The following SHPRH variants were observed in gnomAD, a reference collection of about 807,000 sequenced individuals.
The protein encoded by SHPRH is SNF2 histone linker PHD RING helicase, also known as E3 ubiquitin-protein ligase SHPRH.
In SHPRH, 106 loss-of-function variants were observed where a neutral mutation model predicts 202.5. The observed-to-expected ratio is 0.52, with a 90% confidence interval of 0.45 to 0.62. The LOEUF (loss-of-function observed/expected upper bound fraction) is 0.62, where lower values mean the gene tolerates loss of function less well. Ranked by LOEUF, SHPRH falls within the 20% of genes least tolerant of loss-of-function variation. The pLI, the probability that SHPRH is intolerant of heterozygous loss-of-function variation, is 0.00. For synonymous variants in SHPRH, 729 were observed against 686.0 expected, an observed-to-expected ratio of 1.06 and a Z score of -0.98; for missense variants, 1,710 against 2,020.0, an observed-to-expected ratio of 0.85 and a Z score of 2.94.
chr6:145,860,595 T>C (rs562586946), downstream of SHPRH, among the ~76,000 whole-genome samples: 8 of 152,156 alleles, frequency 5.3e-5, no homozygotes, highest in East Asian at 1.4e-3. Context: ...ACAGATTCAA[T>C]GCAATCTTTA....
intron 3 of SHPRH, 80 bp downstream of exon 3, chr6:145,952,269 G>A: frequency 7.9e-7 from 1 of 1,262,660 alleles, no homozygotes; most frequent in East Asian, 2.5e-5. Flanking sequence ...CTGTTTTTCT[G>A]ATTGTTATGT....
chr6:145,910,347 A>T, intron 25 of SHPRH, 101 bp downstream of exon 25: 1 of 1,335,354 alleles, frequency 7.5e-7, no homozygotes, highest in Non-Finnish European at 1.0e-6. Context: ...CTACCTATTC[A>T]CTGTCAAGCT....
intron 1 of SHPRH, among the ~76,000 whole-genome samples, chr6:145,962,310 G>A (rs1789170227): frequency 6.6e-6 from 1 of 152,164 alleles, no homozygotes; most frequent in Non-Finnish European, 1.5e-5. Flanking sequence ...GTCAGTGCTA[G>A]GAAGTAAAGA....
chr6:145,926,957 T>C (rs1473065272), intron 15 of SHPRH, among the ~76,000 whole-genome samples: 2 of 151,988 alleles, frequency 1.3e-5, no homozygotes, highest in Non-Finnish European at 2.9e-5. Context: ...GTAGCTTATA[T>C]AGACTTACCT....
chr6:145,862,225 G>A (rs527564098), downstream of SHPRH, among the ~76,000 whole-genome samples: 2 of 152,166 alleles, frequency 1.3e-5, no homozygotes, highest in South Asian at 4.2e-4. Context: ...ACTTTGGGAG[G>A]CCGAGGCAGG....
chr6:145,889,550 C>T (rs2128711234), intron 28 of SHPRH, among the ~76,000 whole-genome samples: 1 of 152,180 alleles, frequency 6.6e-6, no homozygotes, highest in Admixed American at 6.5e-5. Context: ...AGTCAAAACA[C>T]ATTAAAAACG....
chr6:145,913,526 A>G lies in SHPRH; in HGVS notation c.4278T>C (p.Gly1426=). 4 of 1,609,028 alleles carry G rather than the reference A, an allele frequency of 2.5e-6. No individual in the cohort carries two copies. Among genetic ancestry groups the G allele is most frequent in the Non-Finnish European group, 3.4e-6 (4 of 1,177,908 alleles). Residue 1426 remains glycine, a synonymous_variant, in exon 24 of 30, where the codon GGT becomes GGC. Coordinates refer to ENST00000275233, the MANE Select transcript of SHPRH (RefSeq NM_001042683.3). ...LEKSQDKTSG[G]VNPEPCPICA... is the part of the protein sequence containing the mutation. ...AGATTGGGCAAGGTTCTGGATTAAC[A>G]CCTCCCGATGTTTTATCTTGAGACT...
At position 145,888,025 on chromosome 6, in the gene SHPRH, C is replaced by T; in HGVS notation, c.4950G>A (p.Glu1650=). 6.2e-7 allele frequency: 1 copy of T among 1,611,142 alleles called. No homozygotes were observed. Among genetic ancestry groups the T allele is most frequent in the Non-Finnish European group, 8.5e-7 (1 of 1,177,590 alleles). The part of the protein sequence containing the change: ...ERMQAMLKTA[E]RSHTNSSAKH... The stretch of plus-strand genomic sequence containing the variant: ...TGTGGTAAATTATTACCTACCTTCT[C>T]TCAGCAGTTTTCAGCATTGCCTGCA... The change falls in exon 29 of 30, where the codon GAG becomes GAA. Residue 1650 remains glutamate, a synonymous_variant. Transcript: ENST00000275233.
intron 11 of SHPRH, among the ~76,000 whole-genome samples, chr6:145,936,655 G>C (rs558447413): frequency 6.6e-6 from 1 of 152,032 alleles, no homozygotes; most frequent in South Asian, 2.1e-4. Context: ...TTTATGTACA[G>C]TTCAAATTTT....
chr6:145,946,333 C>T lies in SHPRH; in HGVS notation c.1221G>A (p.Val407=). Residue 407 remains valine, a synonymous_variant, in exon 7 of 30, where the codon GTG becomes GTA. Transcript: ENST00000275233. ...QDALTLPEGK[V]VNYFIPSHYF... is the part of the protein sequence containing the mutation. ...AATGTGACGGAATAAAATAATTCAC[C>T]ACTTTTCCCTGATACAAACAACAGT... is the stretch of plus-strand genomic sequence containing the variant. The T allele has an allele frequency of 6.2e-7, 1 of 1,602,744 alleles. No individual in the cohort carries two copies. The highest frequency in any genetic ancestry group is 8.5e-7 in the Non-Finnish European group (1 of 1,174,092).
chr6:145,878,103 T>C (rs1288494938), intron 2 of SHPRH: 1 of 152,216 alleles, frequency 6.6e-6, no homozygotes, highest in African/African-American at 2.4e-5. Flanking sequence ...TCTTTTCATC[T>C]ACAAGTCATG....
rs372546901 is a variant in SHPRH at position 145,933,341 on chromosome 6, A to T, written c.2991-163T>A. ...AATTTTTACCATTATTTTTTCCCAC[A>T]TAAGTACCTTTATTTGATCACATCC... is the stretch of plus-strand genomic sequence containing the variant. On this transcript the variant is annotated intron_variant, in intron 13 of 29. Coordinates refer to ENST00000275233, the MANE Select transcript of SHPRH (RefSeq NM_001042683.3). 20 of 967,768 alleles carry T rather than the reference A, an allele frequency of 2.1e-5. No individual in the cohort carries two copies. In the Admixed American group the frequency reaches 5.3e-4, roughly 25 times the overall value. 59.9% of individuals were successfully genotyped at this position (967,768 alleles called of 1,614,324 possible).
rs1248346109 is a variant in SHPRH, at chr6:145,894,077, A to C, written c.4695+73T>G. On this transcript the variant is annotated intron_variant, in intron 27 of 29. Coordinates refer to ENST00000275233, the MANE Select transcript of SHPRH (RefSeq NM_001042683.3). ...TATATGGCATGAGACAATAAATGTA[A>C]GTAAGCTAGTTAACAGCAGTTTAAA... 3 of 1,066,470 alleles carry C rather than the reference A, an allele frequency of 2.8e-6. No individual in the cohort carries two copies. In the African/African-American group the frequency reaches 4.9e-5, roughly 17 times the overall value. 66.1% of individuals were successfully genotyped at this position (1,066,470 alleles called of 1,614,324 possible). A position where few individuals can be genotyped will look rare whatever the true frequency, so the allele number is the denominator to read the frequency against.
At chr6:145,870,220 T>C (rs1779993914) in intron 2 of SHPRH, among the ~76,000 whole-genome samples, 1 of 151,842 alleles carries the variant, frequency 6.6e-6, no homozygotes, top group Non-Finnish European at 1.5e-5. Context: ...CTATAATCTC[T>C]TATTAGTTCC....
intron 29 of SHPRH, 60 bp from the exon 30 acceptor site, chr6:145,886,847 T>C: frequency 6.4e-7 from 1 of 1,561,098 alleles, no homozygotes; most frequent in Non-Finnish European, 8.7e-7. Context: ...AGCGATTATA[T>C]TTGTAGTAAT....
chr6:145,952,163 CAG>C (rs1296490003), intron 3 of SHPRH, among the ~76,000 whole-genome samples, 184 bp downstream of exon 3: 1 of 152,034 alleles, frequency 6.6e-6, no homozygotes, highest in East Asian at 1.9e-4. Context: ...AAGGTAAGCA[CAG>C]AGTTAACCAA....
chr6:145,875,725 T>A (rs540059667), intron 2 of SHPRH, among the ~76,000 whole-genome samples: 101 of 152,312 alleles, frequency 6.6e-4, no homozygotes, highest in Admixed American at 1.4e-3. Flanking sequence ...TTAACAACTT[T>A]ATGCATTGGC....
intron 1 of SHPRH, among the ~76,000 whole-genome samples, chr6:145,958,228 A>G (rs759846590): frequency 3.9e-5 from 6 of 152,230 alleles, no homozygotes; most frequent in Non-Finnish European, 5.9e-5. Context: ...TGTTCAACAC[A>G]TGATTGCAGA....
Position 145,943,135 on chromosome 6 carries a change from G to T in SHPRH, c.2238+8C>A, listed in dbSNP as rs1166140639. 1 of 1,566,450 alleles carries T rather than the reference G, an allele frequency of 6.4e-7. No homozygotes were observed. On this transcript the variant is annotated splice_region_variant and intron_variant, in intron 9 of 29. Transcript: ENST00000275233. ...TTTCCTCTCCCTCTTTAGTCCAAGTGGCCTTACCAAGACTCGAAGAGATGA... is the reference window on the plus strand; with the variant it reads ...TTTCCTCTCCCTCTTTAGTCCAAGTTGCCTTACCAAGACTCGAAGAGATGA...
Sources: allele counts gnomAD v4.1 joint callset (sites outside exome capture counted in the v4.1 genomes callset), GRCh38; gene constraint gnomAD v4.1.1; transcripts MANE v1.5; gene names NCBI Gene and HGNC (gene_info 2026-07-23, HGNC 2026-07-21).